The following RIMS2 variants were observed in gnomAD, a reference collection of about 807,000 sequenced individuals.
RIMS2 encodes the protein regulating synaptic membrane exocytosis protein 2.
In RIMS2, 59 loss-of-function variants were observed where a neutral mutation model predicts 174.4. The ratio of observed to expected loss-of-function variants is 0.34; its 90% CI spans 0.27 to 0.42. The LOEUF (loss-of-function observed/expected upper bound fraction) is 0.42. RIMS2 is among the 10% of genes least tolerant of loss of function. RIMS2 has a pLI of 1.00. For missense variants in RIMS2, 1,620 were observed against 1,666.3 expected (o/e 0.97, Z 0.48); for synonymous variants, 606 against 572.5 (o/e 1.06, Z -0.84).
chr8:103,975,595 C>G (rs72683112), intron 16 of RIMS2, 89 bp downstream of exon 18: 2 of 832,024 alleles, frequency 2.4e-6, no homozygotes, highest in South Asian at 3.8e-5. Context: ...TATGTATATA[C>G]GAAAGGGAGT....
At chr8:104,123,944 A>T (rs2098406733) in intron 19 of RIMS2, among the ~76,000 whole-genome samples, 1 of 152,194 alleles carries the variant, frequency 6.6e-6, no homozygotes, top group Non-Finnish European at 1.5e-5. Context: ...TGCCATGTGC[A>T]ATAAAGCAAA....
exon 4 of RIMS2, chr8:103,885,382 T>C: frequency 6.2e-7 from 1 of 1,612,782 alleles, no homozygotes; most frequent in South Asian, 1.1e-5. Flanking sequence ...AGTATGCTAC[T>C]TCGGATACCG....
At chr8:104,056,127 A>G (rs928555770) in intron 19 of RIMS2, among the ~76,000 whole-genome samples, 2 of 152,206 alleles carry the variant, frequency 1.3e-5, no homozygotes, top group Non-Finnish European at 2.9e-5. Context: ...CTAACCGGCC[A>G]GGCGTGGTGG....
intron 15 of RIMS2, among the ~76,000 whole-genome samples, chr8:103,961,496 A>G (rs1388425196): frequency 6.6e-6 from 1 of 152,144 alleles, no homozygotes. Context: ...CCATATCTAA[A>G]TATGTCAAAT....
intron 1 of RIMS2, among the ~76,000 whole-genome samples, chr8:103,654,834 A>G (rs2096504978): frequency 6.6e-6 from 1 of 151,994 alleles, no homozygotes; most frequent in South Asian, 2.1e-4. Flanking sequence ...TTTAAATGTT[A>G]AAAAGTAAGT....
intron 19 of RIMS2, among the ~76,000 whole-genome samples, chr8:104,178,657 C>T (rs1647146697): frequency 6.6e-6 from 1 of 152,052 alleles, no homozygotes; most frequent in South Asian, 2.1e-4. Context: ...AACAGTAAGC[C>T]ATATTATATA....
At chr8:103,600,041 C>G (rs2094649603) in intron 1 of RIMS2, among the ~76,000 whole-genome samples, 1 of 152,102 alleles carries the variant, frequency 6.6e-6, no homozygotes, top group Non-Finnish European at 1.5e-5. Context: ...CCGCTAACCC[C>G]TCACTACCCT....
chr8:103,981,730 T>A (rs7821195), intron 16 of RIMS2, among the ~76,000 whole-genome samples: 19,308 of 152,022 alleles, frequency 0.13, 1,702 homozygotes, highest in Non-Finnish European at 0.19. Context: ...AGTGTTGAAA[T>A]ATGCAGTTGA....
chr8:103,782,421 A>G (rs966488315), intron 3 of RIMS2, among the ~76,000 whole-genome samples: 6 of 147,606 alleles, frequency 4.1e-5, no homozygotes, highest in Non-Finnish European at 7.5e-5. Flanking sequence ...TGCTATCATG[A>G]TACATAAATC....
At chr8:103,664,215 A>G (rs941240404) in intron 1 of RIMS2, among the ~76,000 whole-genome samples, 2 of 152,256 alleles carry the variant, frequency 1.3e-5, no homozygotes, top group Non-Finnish European at 2.9e-5. Context: ...GGACATAGGC[A>G]TGGTCAAAGA....
chr8:103,961,351 T>C (rs2090018429), intron 15 of RIMS2, among the ~76,000 whole-genome samples: 1 of 152,094 alleles, frequency 6.6e-6, no homozygotes, highest in African/African-American at 2.4e-5. Flanking sequence ...ACCAGATACG[T>C]AGATGTCAAT....
chr8:103,792,907 C>A (rs1158924054), intron 3 of RIMS2, among the ~76,000 whole-genome samples: 1 of 151,988 alleles, frequency 6.6e-6, no homozygotes, highest in Non-Finnish European at 1.5e-5. Flanking sequence ...CTGAATAGAC[C>A]AATAACAGGC....
chr8:103,541,416 A>G (rs932495842), intron 1 of RIMS2, among the ~76,000 whole-genome samples: 1 of 152,244 alleles, frequency 6.6e-6, no homozygotes, highest in Admixed American at 6.5e-5. Flanking sequence ...AGAGGTAAAT[A>G]CTTTCCCATA....
chr8:103,604,398 A>G (rs1223120163), intron 1 of RIMS2, among the ~76,000 whole-genome samples: 6 of 151,614 alleles, frequency 4.0e-5, no homozygotes, highest in East Asian at 1.9e-4. Flanking sequence ...TTTGGTTACT[A>G]TAGCCTTGTA....
intron 19 of RIMS2, among the ~76,000 whole-genome samples, chr8:104,119,065 A>C (rs1044390101): frequency 1.3e-5 from 2 of 151,948 alleles, no homozygotes; most frequent in African/African-American, 4.8e-5. Context: ...GTACAAATTT[A>C]GGCCAGGCGT....
intron 19 of RIMS2, among the ~76,000 whole-genome samples, chr8:104,016,558 T>A (rs1156724186): frequency 1.3e-5 from 2 of 152,062 alleles, no homozygotes; most frequent in Non-Finnish European, 2.9e-5. Flanking sequence ...CACAGCATTT[T>A]TATAGTTCTT....
downstream of RIMS2, chr8:104,256,031 C>T (rs553749303): frequency 1.3e-5 from 2 of 152,242 alleles, no homozygotes; most frequent in Admixed American, 6.5e-5. Context: ...GGGCAGAGAC[C>T]GTATCTTCAG....
intron 19 of RIMS2, among the ~76,000 whole-genome samples, chr8:104,182,583 T>C (rs538360420): frequency 5.9e-5 from 9 of 151,902 alleles, no homozygotes; most frequent in East Asian, 1.9e-4. Context: ...CTAATCTACT[T>C]TCTGTCTCTA....
chr8:104,137,096 A>G (rs2098527163), intron 19 of RIMS2, among the ~76,000 whole-genome samples: 1 of 152,230 alleles, frequency 6.6e-6, no homozygotes, highest in Non-Finnish European at 1.5e-5. Context: ...TTATTGAATT[A>G]CATACTTTTC....
Sources: gnomAD v4.1 joint callset for allele counts (sites outside exome capture counted in the v4.1 genomes callset) on GRCh38, gnomAD v4.1.1 for gene constraint, MANE v1.5 for transcripts, NCBI Gene and HGNC (gene_info 2026-07-23, HGNC 2026-07-21) for gene names.